The following CCDC7 variants were observed in gnomAD, a reference collection of about 807,000 sequenced individuals.
The protein encoded by CCDC7 is coiled-coil domain-containing protein 7.
CCDC7 carries 183 observed loss-of-function variants against 196.9 expected under a neutral mutation model. That is an observed-to-expected ratio of 0.93 (90% confidence interval 0.82 to 1.05). The LOEUF (loss-of-function observed/expected upper bound fraction) is 1.05, where lower values mean the gene tolerates loss of function less well. Ranked by LOEUF, CCDC7 falls within the 50% of genes least tolerant of loss-of-function variation. The probability of loss-of-function intolerance (pLI) is 0.00; values close to 1 mark genes in which losing one functional copy is unlikely to be tolerated. For synonymous variants in CCDC7, 525 were observed against 484.6 expected, an observed-to-expected ratio of 1.08 and a Z score of -1.10; for missense variants, 1,540 against 1,482.2, an observed-to-expected ratio of 1.04 and a Z score of -0.64.
intron 29 of CCDC7, among the ~76,000 whole-genome samples, chr10:32,793,865 CA>C (rs2083118236): frequency 6.6e-6 from 1 of 152,112 alleles, no homozygotes; most frequent in Non-Finnish European, 1.5e-5. Flanking sequence ...CATGTGCTGA[CA>C]AAAACTGAGT....
At chr10:32,795,166 C>G (rs949347706) in intron 29 of CCDC7, among the ~76,000 whole-genome samples, 1 of 152,086 alleles carries the variant, frequency 6.6e-6, no homozygotes, top group African/African-American at 2.4e-5. Context: ...CTTTGCATTC[C>G]TTTTTCTTGC....
chr10:32,849,917 A>AG (rs1009045307), intron 39 of CCDC7, among the ~76,000 whole-genome samples: 5 of 152,058 alleles, frequency 3.3e-5, no homozygotes, highest in African/African-American at 1.2e-4. Flanking sequence ...CTGATTCTGC[A>AG]GGGGGGAACT....
At chr10:32,688,012 C>T (rs2076658480) in intron 22 of CCDC7, among the ~76,000 whole-genome samples, 2 of 152,164 alleles carry the variant, frequency 1.3e-5, no homozygotes, top group Non-Finnish European at 2.9e-5. Flanking sequence ...GTGGGCCAAA[C>T]TTTCAGAGAA....
intron 9 of CCDC7, chr10:32,511,990 G>A (rs2046294304): frequency 4.4e-6 from 2 of 451,562 alleles, no homozygotes; most frequent in Non-Finnish European, 7.9e-6. Flanking sequence ...CAATCATGTT[G>A]GTCTTTGGGG....
Position 32,689,231 on chromosome 10 carries a change from T to G in CCDC7, c.2344+68T>G, listed in dbSNP as rs962200180. On this transcript the variant is annotated intron_variant, in intron 23 of 41. Transcript: ENST00000639629. ...AAGTTCATCCGAAGGTATTTTTGCT[T>G]TGATTCACAAAAGTTTTACACTTTG... The G allele has an allele frequency of 4.7e-6, 5 of 1,065,180 alleles. No individual in the cohort carries two copies. The Admixed American group carries it at 8.3e-5, about 18-fold the overall frequency. 66.0% of individuals were successfully genotyped at this position (1,065,180 alleles called of 1,614,324 possible).
intron 13 of CCDC7, among the ~76,000 whole-genome samples, chr10:32,553,316 C>T (rs2053796522): frequency 2.0e-5 from 3 of 151,830 alleles, no homozygotes; most frequent in Non-Finnish European, 4.4e-5. Flanking sequence ...AGTATTTCTC[C>T]CTTCACTTGT....
chr10:32,757,163 A>G (rs1037802549), intron 28 of CCDC7, among the ~76,000 whole-genome samples: 2 of 152,130 alleles, frequency 1.3e-5, no homozygotes, highest in Admixed American at 6.5e-5. Flanking sequence ...GGAGACTTTA[A>G]CACCCCACTG....
At chr10:32,651,405 A>G (rs1204963147) in intron 20 of CCDC7, among the ~76,000 whole-genome samples, 3 of 152,166 alleles carry the variant, frequency 2.0e-5, no homozygotes, top group Admixed American at 6.5e-5. Flanking sequence ...TTATGTTGGT[A>G]TAGTCGAAAC....
At chr10:32,679,813 A>C (rs2075590123) in intron 21 of CCDC7, among the ~76,000 whole-genome samples, 1 of 152,194 alleles carries the variant, frequency 6.6e-6, no homozygotes, top group Non-Finnish European at 1.5e-5. Flanking sequence ...TGGTTTATGC[A>C]TGGATGACAG....
intron 8 of CCDC7, among the ~76,000 whole-genome samples, chr10:32,490,094 C>T (rs1298590790): frequency 6.6e-6 from 1 of 152,148 alleles, no homozygotes; most frequent in Non-Finnish European, 1.5e-5. Context: ...ATAGTTCCTG[C>T]ACTCTTCCTC....
At chr10:32,681,586 A>G (rs1591536872) in intron 21 of CCDC7, among the ~76,000 whole-genome samples, 1 of 152,300 alleles carries the variant, frequency 6.6e-6, no homozygotes, top group Admixed American at 6.5e-5. Flanking sequence ...CTATGCCTGC[A>G]GTACACAAAT....
At chr10:32,683,286 G>A (rs1034802572) in intron 21 of CCDC7, among the ~76,000 whole-genome samples, 2 of 152,080 alleles carry the variant, frequency 1.3e-5, no homozygotes, top group South Asian at 2.1e-4. Flanking sequence ...CAGCTTTGTC[G>A]AAGATCAGAT....
upstream of CCDC7, among the ~76,000 whole-genome samples, chr10:32,444,920 C>A (rs2030618589): frequency 6.6e-6 from 1 of 150,526 alleles, no homozygotes; most frequent in Non-Finnish European, 1.5e-5. Flanking sequence ...ATGGCACAAT[C>A]TCGGCTCACT....
At chr10:32,674,745 C>G (rs2074635915) in intron 21 of CCDC7, among the ~76,000 whole-genome samples, 1 of 152,016 alleles carries the variant, frequency 6.6e-6, no homozygotes, top group African/African-American at 2.4e-5. Flanking sequence ...ACGTTGGACA[C>G]AGGTATATTT....
chr10:32,601,126 G>T (rs1048570708), intron 18 of CCDC7, among the ~76,000 whole-genome samples: 3 of 152,172 alleles, frequency 2.0e-5, no homozygotes, highest in African/African-American at 7.2e-5. Flanking sequence ...TTTCTGGAAT[G>T]TAGTAGCATG....
At chr10:32,534,916 A>C (rs1245673953) in intron 11 of CCDC7, among the ~76,000 whole-genome samples, 8 of 152,010 alleles carry the variant, frequency 5.3e-5, no homozygotes, top group Non-Finnish European at 7.4e-5. Context: ...GGGTTAAAGC[A>C]AGTACAGGTC....
At chr10:32,610,952 T>C (rs1033474822) in intron 18 of CCDC7, among the ~76,000 whole-genome samples, 11 of 152,230 alleles carry the variant, frequency 7.2e-5, no homozygotes, top group Non-Finnish European at 1.3e-4. Context: ...ATGGGATTGC[T>C]GGGTCAAATG....
intron 29 of CCDC7, among the ~76,000 whole-genome samples, chr10:32,784,558 C>G (rs1026681405): frequency 1.3e-5 from 2 of 151,756 alleles, no homozygotes; most frequent in African/African-American, 4.8e-5. Flanking sequence ...GACATGATCT[C>G]ATTTCTTTTT....
At chr10:32,547,520 T>A (rs2052671841) in intron 13 of CCDC7, among the ~76,000 whole-genome samples, 1 of 152,172 alleles carries the variant, frequency 6.6e-6, no homozygotes, top group Admixed American at 6.5e-5. Flanking sequence ...TGGATTATTA[T>A]ATATAACATG....
Sources: gnomAD v4.1 joint callset for allele counts (sites outside exome capture counted in the v4.1 genomes callset) on GRCh38, gnomAD v4.1.1 for gene constraint, MANE v1.5 for transcripts, NCBI Gene and HGNC (gene_info 2026-07-23, HGNC 2026-07-21) for gene names.